MAP4K3: variants seen among roughly 807,000 people sequenced by gnomAD.
MAP4K3 encodes the protein MAPK/ERK kinase kinase kinase 3.
In MAP4K3, 94 loss-of-function variants were observed where a neutral mutation model predicts 143.5. The ratio of observed to expected loss-of-function variants is 0.65; its 90% CI spans 0.55 to 0.78. The LOEUF is 0.78. MAP4K3 is among the 30% of genes least tolerant of loss of function. The pLI is 0.00. For synonymous variants in MAP4K3, 416 were observed against 347.2 expected (o/e 1.20, Z -2.20); for missense variants, 1,077 against 1,068.1 (o/e 1.01, Z -0.12).
intron 13 of MAP4K3, among the ~76,000 whole-genome samples, chr2:39,313,405 T>C (rs1683005612): frequency 6.6e-6 from 1 of 152,140 alleles, no homozygotes; most frequent in Admixed American, 6.6e-5. Context: ...CCAGTGTCTG[T>C]TGTTTCCCTT....
At position 39,333,961 on chromosome 2, in the gene MAP4K3, T is replaced by TTGTGTGTGTG. The variant is rs60361690; in HGVS notation, c.415-397_415-388dup. 7.6e-3 allele frequency among the ~76,000 whole-genome samples: 1,093 copies of TTGTGTGTGTG among 144,120 alleles called. 5 individuals are homozygous for TTGTGTGTGTG. The highest frequency in any genetic ancestry group is 0.011 in the Non-Finnish European group (738 of 65,626). 94.5% of individuals were successfully genotyped at this position (144,120 alleles called of 152,430 possible). ...TAAACTTGATTATTGTTTCCCATTTTTGTGTGTGTGTGTGTGTGTGTGTGT... is the reference window on the plus strand; with the variant it reads ...TAAACTTGATTATTGTTTCCCATTTTTGTGTGTGTGTGTGTGTGTGTGTGTGTGTGTGTGT... On this transcript the variant is annotated intron_variant, in intron 6 of 33. Coordinates refer to ENST00000263881, the MANE Select transcript of MAP4K3 (RefSeq NM_003618.4).
chr2:39,290,986 G>A (rs1682020106), intron 18 of MAP4K3, among the ~76,000 whole-genome samples: 2 of 152,102 alleles, frequency 1.3e-5, no homozygotes. Context: ...GCATGAACCT[G>A]GGAGGTAGAG....
chr2:39,259,622 C>A (rs891999050), intron 29 of MAP4K3, among the ~76,000 whole-genome samples: 1 of 152,150 alleles, frequency 6.6e-6, no homozygotes, highest in Admixed American at 6.5e-5. Context: ...TGTTAATATA[C>A]ATTTCGTATT....
intron 8 of MAP4K3, among the ~76,000 whole-genome samples, chr2:39,328,238 G>A (rs943544992): frequency 6.6e-6 from 1 of 152,130 alleles, no homozygotes; most frequent in Admixed American, 6.5e-5. Flanking sequence ...GGCTGAGGTG[G>A]GACGATCGCT....
chr2:39,360,505 G>C (rs1558665531), intron 2 of MAP4K3, among the ~76,000 whole-genome samples: 1 of 152,032 alleles, frequency 6.6e-6, no homozygotes, highest in African/African-American at 2.4e-5. Context: ...CAATTCCAAA[G>C]TTGCTTCCAG....
intron 1 of MAP4K3, among the ~76,000 whole-genome samples, chr2:39,434,548 C>CAA (rs1221851662): frequency 6.6e-6 from 1 of 152,218 alleles, no homozygotes; most frequent in Admixed American, 6.5e-5. Context: ...TACACTGACT[C>CAA]AGAGTGTGGC....
intron 1 of MAP4K3, among the ~76,000 whole-genome samples, chr2:39,424,778 C>T (rs1055278208): frequency 6.9e-6 from 1 of 144,762 alleles, no homozygotes; most frequent in Admixed American, 7.0e-5. Context: ...CTGCAGTGAG[C>T]CTTGATTGTG....
intron 6 of MAP4K3, among the ~76,000 whole-genome samples, chr2:39,334,598 T>A (rs1362251535): frequency 6.6e-6 from 1 of 152,184 alleles, no homozygotes; most frequent in Non-Finnish European, 1.5e-5. Context: ...TACCTAGCTA[T>A]CTAAGACTTC....
At position 39,286,854 on chromosome 2, in the gene MAP4K3, G is replaced by C. The variant is rs1448863902; in HGVS notation, c.1585C>G (p.Pro529Ala). Reference sequence around the variant, plus strand: ...AACTTATGACTATCAATACCTACTGGTACATCTTTCTTTTCTTTTCTTGAA... The same window carrying C: ...AACTTATGACTATCAATACCTACTGCTACATCTTTCTTTTCTTTTCTTGAA... ...NLSRKEKKDVPKPISNGLPPT... is the reference protein window; with the variant it reads ...NLSRKEKKDVAKPISNGLPPT... Residue 529 changes from proline to alanine, a missense_variant and splice_region_variant, in exon 21 of 34, where the codon CCA becomes GCA. Around this residue, in one of 2 missense-constraint regions of MAP4K3, gnomAD observed 864 missense variants for 801.2 expected, o/e 1.08. Transcript: ENST00000263881. 6.3e-7 allele frequency: 1 copy of C among 1,590,976 alleles called. No individual in the cohort carries two copies. Among genetic ancestry groups the C allele is most frequent in the Non-Finnish European group, 8.6e-7 (1 of 1,168,130 alleles).
chr2:39,269,281 T>G (rs886112817), intron 26 of MAP4K3, among the ~76,000 whole-genome samples: 2 of 151,930 alleles, frequency 1.3e-5, no homozygotes, highest in Admixed American at 6.6e-5. Context: ...AAATATAATA[T>G]CGTAGTACTG....
intron 6 of MAP4K3, among the ~76,000 whole-genome samples, chr2:39,335,157 C>T (rs866667395): frequency 2.6e-5 from 4 of 152,084 alleles, no homozygotes; most frequent in African/African-American, 9.7e-5. Context: ...GGTCAGACCA[C>T]GTATAACCTT....
chr2:39,397,957 CA>C (rs1666853643), intron 1 of MAP4K3, among the ~76,000 whole-genome samples: 1 of 152,070 alleles, frequency 6.6e-6, no homozygotes, highest in South Asian at 2.1e-4. Context: ...ATCAGATTGG[CA>C]AAATCTGATT....
chr2:39,256,092 A>C (rs1433461664), intron 31 of MAP4K3, among the ~76,000 whole-genome samples: 1 of 152,166 alleles, frequency 6.6e-6, no homozygotes. Flanking sequence ...GCCTTTGTGA[A>C]AGGGATCTTT....
intron 33 of MAP4K3, 34 bp from the exon 34 acceptor site, chr2:39,250,739 GT>G: frequency 6.4e-7 from 1 of 1,570,088 alleles, no homozygotes; most frequent in Middle Eastern, 1.7e-4. Context: ...ACAAAACAAA[GT>G]TATTCCTGAA....
At chr2:39,383,148 G>A (rs946133886) in intron 1 of MAP4K3, among the ~76,000 whole-genome samples, 2 of 152,156 alleles carry the variant, frequency 1.3e-5, no homozygotes, top group African/African-American at 2.4e-5. Context: ...AGGTGTATTA[G>A]TTTGTTCTCA....
intron 2 of MAP4K3, among the ~76,000 whole-genome samples, chr2:39,363,763 G>C (rs572791611): frequency 6.7e-6 from 1 of 150,286 alleles, no homozygotes; most frequent in East Asian, 1.9e-4. Flanking sequence ...ATATGCATCA[G>C]AATACCATGT....
At chr2:39,359,705 T>C (rs1665712117) in intron 2 of MAP4K3, among the ~76,000 whole-genome samples, 1 of 152,258 alleles carries the variant, frequency 6.6e-6, no homozygotes, top group African/African-American at 2.4e-5. Flanking sequence ...ACCTCAGTTC[T>C]TGGTTTCTGT....
chr2:39,415,619 AAT>A (rs1485994180), intron 1 of MAP4K3, among the ~76,000 whole-genome samples: 1 of 152,132 alleles, frequency 6.6e-6, no homozygotes, highest in Non-Finnish European at 1.5e-5. Context: ...GTCAGGCATT[AAT>A]AGTCACTTTT....
chr2:39,287,430 T>G (rs1476685842), intron 20 of MAP4K3, among the ~76,000 whole-genome samples: 1 of 142,302 alleles, frequency 7.0e-6, no homozygotes, highest in Non-Finnish European at 1.6e-5. Flanking sequence ...CCCAAGTAGC[T>G]GGGATTACAG....
Sources: gnomAD v4.1 joint callset for allele counts (sites outside exome capture counted in the v4.1 genomes callset) on GRCh38, gnomAD v4.1.1 for gene constraint, gnomAD v4.1.1 regional missense constraint, MANE v1.5 for transcripts, NCBI Gene and HGNC (gene_info 2026-07-23, HGNC 2026-07-21) for gene names.